The following ARID4B variants were observed in gnomAD, a reference collection of about 807,000 sequenced individuals.
ARID4B encodes AT-rich interaction domain 4B.
ARID4B carries 26 observed loss-of-function variants against 147.5 expected under a neutral mutation model. The ratio of observed to expected loss-of-function variants is 0.18; its 90% CI spans 0.13 to 0.24. The LOEUF is 0.24. Ranked by LOEUF, ARID4B falls within the 10% of genes least tolerant of loss-of-function variation. The pLI is 1.00. For missense variants in ARID4B, 1,179 were observed against 1,511.5 expected, an observed-to-expected ratio of 0.78 and a Z score of 3.65; for synonymous variants, 512 against 507.9, an observed-to-expected ratio of 1.01 and a Z score of -0.11.
intron 13 of ARID4B, 51 bp from the exon 14 acceptor site, chr1:235,221,713 A>T: frequency 9.7e-7 from 1 of 1,027,042 alleles, no homozygotes; most frequent in Non-Finnish European, 1.5e-6. Flanking sequence ...TGTTAATATA[A>T]TAACATTTTG....
intron 2 of ARID4B, among the ~76,000 whole-genome samples, chr1:235,268,931 A>C (rs893173228): frequency 6.6e-6 from 1 of 152,222 alleles, no homozygotes; most frequent in African/African-American, 2.4e-5. Flanking sequence ...GGACATTTCA[A>C]ACAGACACAG....
intron 20 of ARID4B, chr1:235,181,268 T>G (rs1664289828): frequency 1.7e-6 from 1 of 581,186 alleles, no homozygotes; most frequent in East Asian, 5.3e-5. Flanking sequence ...AAGCTGCTCA[T>G]GCCATATAGT....
intron 2 of ARID4B, among the ~76,000 whole-genome samples, chr1:235,271,148 T>A (rs147390085): frequency 1.9e-4 from 28 of 150,926 alleles, no homozygotes; most frequent in African/African-American, 6.4e-4. Flanking sequence ...AGCCCAGGAG[T>A]TTGAGACGAG....
chr1:235,298,406 TTA>T (rs934560133), intron 2 of ARID4B, among the ~76,000 whole-genome samples: 8 of 151,752 alleles, frequency 5.3e-5, no homozygotes, highest in African/African-American at 1.4e-4. Flanking sequence ...TTAGAAAATG[TTA>T]TGTTTCAACT....
intron 2 of ARID4B, among the ~76,000 whole-genome samples, chr1:235,268,015 G>C (rs367797056): frequency 9.2e-4 from 140 of 152,256 alleles, no homozygotes; most frequent in African/African-American, 3.2e-3. Flanking sequence ...GATTTGTGAA[G>C]GGGTAAGGGT....
chr1:235,238,442 C>T (rs773960365), intron 8 of ARID4B, among the ~76,000 whole-genome samples: 6 of 152,140 alleles, frequency 3.9e-5, no homozygotes, highest in Admixed American at 6.5e-5. Flanking sequence ...TTCTGTCTCT[C>T]GATATTTGAG....
intron 17 of ARID4B, among the ~76,000 whole-genome samples, chr1:235,206,044 A>G (rs954216200): frequency 2.6e-5 from 4 of 152,208 alleles, no homozygotes; most frequent in Non-Finnish European, 4.4e-5. Context: ...ATCCCCTATT[A>G]TAGGTATCAC....
At chr1:235,186,157 C>T (rs1333231789) in intron 19 of ARID4B, among the ~76,000 whole-genome samples, 2 of 152,026 alleles carry the variant, frequency 1.3e-5, no homozygotes, top group African/African-American at 4.8e-5. Context: ...TTAGTAGAGA[C>T]AGGGTTTCAC....
chr1:235,185,839 T>A, intron 19 of ARID4B, among the ~76,000 whole-genome samples: 1 of 152,214 alleles, frequency 6.6e-6, no homozygotes, highest in Non-Finnish European at 1.5e-5. Flanking sequence ...TTGTGGTGAT[T>A]TTTTCATTCT....
At chr1:235,296,866 A>AGAAAGAGGGAGGGAGG (rs1672778597) in intron 2 of ARID4B, among the ~76,000 whole-genome samples, 1 of 75,054 alleles carries the variant, frequency 1.3e-5, no homozygotes, top group Non-Finnish European at 2.8e-5. Context: ...AGGAAGGGAG[A>AGAAAGAGGGAGGGAGG]GAGTACTTCC....
intron 11 of ARID4B, 88 bp from the exon 12 acceptor site, chr1:235,224,863 G>A (rs116749491): frequency 0.01 from 9,089 of 886,658 alleles, 136 homozygotes; most frequent in South Asian, 0.051. Flanking sequence ...AAAGACTAGT[G>A]TTCATTAAAA....
intron 16 of ARID4B, 92 bp from the exon 17 acceptor site, chr1:235,214,118 T>TG: frequency 6.8e-7 from 1 of 1,462,880 alleles, no homozygotes; most frequent in Non-Finnish European, 9.0e-7. Flanking sequence ...GTTGTGGCTG[T>TG]GATTGTTCCA....
Position 235,172,687 on chromosome 1 carries a change from G to C in ARID4B, c.3742C>G (p.Leu1248Val). The change falls in exon 23 of 24, where the codon CTG becomes GTG. Residue 1248 changes from leucine to valine, a missense_variant. Leu to Val is a conservative substitution (Grantham distance 32). Around this residue, in one of 10 missense-constraint regions of ARID4B, gnomAD observed 357 missense variants for 427.3 expected, o/e 0.84. Coordinates refer to ENST00000264183, the MANE Select transcript of ARID4B (RefSeq NM_016374.6). ...EKLQEIRKHY[L>V]SLKSEVASID... ...GAAGCTACTTCAGATTTTAATGACA[G>C]ATAATGTTTTCTGATTTCTTGAAGT... 6.2e-7 allele frequency: 1 copy of C among 1,607,666 alleles called. No individual in the cohort carries two copies. Among genetic ancestry groups the C allele is most frequent in the African/African-American group, 1.3e-5 (1 of 74,724 alleles).
chr1:235,275,459 A>G (rs1043155406), intron 2 of ARID4B, among the ~76,000 whole-genome samples: 8 of 152,178 alleles, frequency 5.3e-5, no homozygotes, highest in South Asian at 2.1e-4. Context: ...GCAGAGGGGG[A>G]AAAAGTGCAC....
chr1:235,293,624 T>C (rs1672483114), intron 2 of ARID4B, among the ~76,000 whole-genome samples: 3 of 148,676 alleles, frequency 2.0e-5, no homozygotes, highest in African/African-American at 7.5e-5. Flanking sequence ...GATTTAACTA[T>C]ATAGAATATT....
At chr1:235,177,507 G>A (rs1663971696) in intron 21 of ARID4B, 1 of 206,130 alleles carries the variant, frequency 4.9e-6, no homozygotes, top group Non-Finnish European at 9.7e-6. Context: ...TTAAGTTCTA[G>A]GGTACGTGTG....
At chr1:235,223,342 T>C in intron 12 of ARID4B, 82 bp from the exon 13 acceptor site, 1 of 398,292 alleles carries the variant, frequency 2.5e-6, no homozygotes. Context: ...AATACAAGTA[T>C]TTATAGTATT....
intron 2 of ARID4B, among the ~76,000 whole-genome samples, chr1:235,308,982 A>G (rs1171768144): frequency 6.9e-6 from 1 of 145,392 alleles, no homozygotes; most frequent in African/African-American, 2.6e-5. Flanking sequence ...CCCAGTCTGG[A>G]AAGTGACGAG....
intron 6 of ARID4B, among the ~76,000 whole-genome samples, chr1:235,247,763 T>C (rs1031452391): frequency 2.0e-5 from 3 of 151,998 alleles, no homozygotes; most frequent in Non-Finnish European, 4.4e-5. Context: ...CCGAGGCAGG[T>C]GGAATACCTG....
Sources: allele counts gnomAD v4.1 joint callset (sites outside exome capture counted in the v4.1 genomes callset), GRCh38; gene constraint gnomAD v4.1.1; regional missense constraint gnomAD v4.1.1; transcripts MANE v1.5; gene names NCBI Gene and HGNC (gene_info 2026-07-23, HGNC 2026-07-21).